Variants in ZNF550 observed in about 807,000 individuals in gnomAD.
ZNF550 encodes zinc finger protein 550.
ZNF550 carries 42 observed loss-of-function variants against 40.2 expected under a neutral mutation model. That is an observed-to-expected ratio of 1.05 (90% CI 0.82 to 1.35). The LOEUF (loss-of-function observed/expected upper bound fraction) is 1.35, where lower values mean the gene tolerates loss of function less well. Among genes scored for constraint, ZNF550 ranks in the 40% most tolerant of loss-of-function variants. ZNF550 has a pLI of 0.00. For synonymous variants in ZNF550, 223 were observed against 198.6 expected (o/e 1.12, Z -1.03); for missense variants, 549 against 525.2 (o/e 1.05, Z -0.44).
chr19:57,547,096 C>G, exon 4 of ZNF550: 1 of 1,613,854 alleles, frequency 6.2e-7, no homozygotes, highest in South Asian at 1.1e-5. Context: ...GAGGTACGTG[C>G]TCCGGTGAAA....
intron 2 of ZNF550, chr19:57,552,937 G>A (rs2090086431): frequency 1.9e-6 from 1 of 528,344 alleles, no homozygotes; most frequent in Non-Finnish European, 3.4e-6. Context: ...CACCCAACGT[G>A]ACTGTATATG....
In ZNF550 at chr19:57,552,129, T is replaced by A. The variant is rs144381557; in HGVS notation, c.250+498A>T. Among the ~76,000 whole-genome samples, 308 of 152,366 alleles carry A rather than the reference T, an allele frequency of 2.0e-3. 1 individual carries two copies. The highest frequency in any genetic ancestry group is 7.2e-3 in the African/African-American group (298 of 41,582). ...CCAGGAACTGAACTAAGCAGTGTCATGTGTTATCTCTACATCCTCTAACAA... is the reference window on the plus strand; with the variant it reads ...CCAGGAACTGAACTAAGCAGTGTCAAGTGTTATCTCTACATCCTCTAACAA... On this transcript the variant is annotated intron_variant, in intron 3 of 4. Transcript: ENST00000457177.
exon 1 of ZNF550, chr19:57,559,738 A>G: frequency 7.1e-7 from 1 of 1,411,264 alleles, no homozygotes; most frequent in Non-Finnish European, 9.4e-7. Context: ...TCAAAACCCT[A>G]CCCCGGGTCC....
chr19:57,547,740 C>T, exon 4 of ZNF550: 3 of 1,614,156 alleles, frequency 1.9e-6, no homozygotes, highest in South Asian at 1.1e-5. Flanking sequence ...CCCTGGAGTG[C>T]AGACCATCAT....
chr19:57,546,872 T>G, exon 4 of ZNF550: 1 of 1,453,470 alleles, frequency 6.9e-7, no homozygotes, highest in Non-Finnish European at 9.1e-7. Context: ...CCTGACATTC[T>G]TTGCATTCGA....
intron 1 of ZNF550, among the ~76,000 whole-genome samples, chr19:57,559,442 C>A (rs1001933992): frequency 1.3e-5 from 2 of 152,186 alleles, no homozygotes; most frequent in African/African-American, 4.8e-5. Flanking sequence ...AGCCCTATTT[C>A]ATACCACAAC....
chr19:57,552,099 A>G (rs1368032082), intron 3 of ZNF550, among the ~76,000 whole-genome samples: 2 of 152,246 alleles, frequency 1.3e-5, no homozygotes, highest in South Asian at 2.1e-4. Flanking sequence ...TGTTGATCCT[A>G]TGGACCAGGA....
chr19:57,549,983 T>C (rs770790172), intron 3 of ZNF550, among the ~76,000 whole-genome samples: 1 of 152,178 alleles, frequency 6.6e-6, no homozygotes, highest in Non-Finnish European at 1.5e-5. Flanking sequence ...CAGGCTGTCA[T>C]GAGGTTAAAT....
upstream of ZNF550, among the ~76,000 whole-genome samples, chr19:57,560,272 TG>T (rs2090158817): frequency 6.6e-6 from 1 of 152,166 alleles, no homozygotes; most frequent in Non-Finnish European, 1.5e-5. Context: ...GGGACTGGCG[TG>T]GATCTGGACC....
At chr19:57,551,499 A>G (rs2090072431) in intron 3 of ZNF550, among the ~76,000 whole-genome samples, 1 of 152,162 alleles carries the variant, frequency 6.6e-6, no homozygotes, top group South Asian at 2.1e-4. Flanking sequence ...TAAAATGAGC[A>G]GGACTAGGGA....
At chr19:57,551,396 C>A (rs1426311120) in intron 3 of ZNF550, among the ~76,000 whole-genome samples, 2 of 151,762 alleles carry the variant, frequency 1.3e-5, no homozygotes, top group Non-Finnish European at 2.9e-5. Context: ...CTGGTATGGC[C>A]CAGGCAGAAG....
chr19:57,546,910 AT>A (rs2090015282), exon 4 of ZNF550: 1 of 1,532,844 alleles, frequency 6.5e-7, no homozygotes, highest in Non-Finnish European at 8.8e-7. Flanking sequence ...TGTGGGTCCC[AT>A]TATGAATGAT....
At chr19:57,552,819 A>AG in intron 2 of ZNF550, 97 bp from the exon 3 acceptor site, 1 of 850,972 alleles carries the variant, frequency 1.2e-6, no homozygotes, top group Non-Finnish European at 1.8e-6. Context: ...CCAGACATGA[A>AG]TGCAGCTGCT....
chr19:57,546,762 CTG>C, exon 4 of ZNF550: 2 of 1,342,532 alleles, frequency 1.5e-6, no homozygotes, highest in Non-Finnish European at 1.9e-6. Context: ...TGAGTGGTGA[CTG>C]AAGGGATCCT....
exon 2 of ZNF550, chr19:57,556,263 A>G: frequency 6.2e-7 from 1 of 1,614,064 alleles, no homozygotes; most frequent in Non-Finnish European, 8.5e-7. Flanking sequence ...GGTCTCCAGC[A>G]TCACCTCTCG....
At chr19:57,552,495 A>G (rs2090081165) in intron 3 of ZNF550, 132 bp downstream of exon 3, 1 of 662,318 alleles carries the variant, frequency 1.5e-6, no homozygotes, top group Non-Finnish European at 2.6e-6. Context: ...CTATGACCCA[A>G]AGTGAGTCAG....
intron 4 of ZNF550, chr19:57,543,262 C>G: frequency 2.2e-6 from 2 of 890,170 alleles, no homozygotes; most frequent in Non-Finnish European, 1.3e-6. Context: ...ATAAAATTTA[C>G]TGTGAACATT....
At chr19:57,551,159 T>A (rs1156270740) in intron 3 of ZNF550, among the ~76,000 whole-genome samples, 2 of 152,148 alleles carry the variant, frequency 1.3e-5, no homozygotes, top group Non-Finnish European at 2.9e-5. Flanking sequence ...AGGTAAGATC[T>A]CCTCCATAGA....
At chr19:57,558,567 G>A (rs1440265958) in intron 1 of ZNF550, among the ~76,000 whole-genome samples, 1 of 152,126 alleles carries the variant, frequency 6.6e-6, no homozygotes, top group Non-Finnish European at 1.5e-5. Flanking sequence ...ATCCTAAACA[G>A]GCAACTAAAT....
Sources: gnomAD v4.1 joint callset for allele counts (sites outside exome capture counted in the v4.1 genomes callset) on GRCh38, gnomAD v4.1.1 for gene constraint, MANE v1.5 for transcripts, NCBI Gene and HGNC (gene_info 2026-07-23, HGNC 2026-07-21) for gene names.